The following ADGRV1 variants were observed in gnomAD, a reference collection of about 807,000 sequenced individuals.
ADGRV1 encodes the protein adhesion G protein-coupled receptor V1, also known as G-protein coupled receptor 98.
ADGRV1 carries 359 observed loss-of-function variants against 596.2 expected under a neutral mutation model. The ratio of observed to expected loss-of-function variants is 0.60; its 90% CI spans 0.55 to 0.66. ADGRV1 has a LOEUF of 0.66. Ranked by LOEUF, ADGRV1 falls within the 30% of genes least tolerant of loss-of-function variation. The probability of loss-of-function intolerance (pLI) is 0.00; values close to 1 mark genes in which losing one functional copy is unlikely to be tolerated. For missense variants in ADGRV1, 7,274 were observed against 7,575.6 expected, an observed-to-expected ratio of 0.96 and a Z score of 1.48; for synonymous variants, 2,681 against 2,679.2, an observed-to-expected ratio of 1.00 and a Z score of -0.02.
chr5:91,144,454 G>A (rs1337003020), intron 87 of ADGRV1, among the ~76,000 whole-genome samples: 1 of 152,094 alleles, frequency 6.6e-6, no homozygotes, highest in African/African-American at 2.4e-5. Context: ...GCAGGTGTGT[G>A]CTACCATGCC....
chr5:91,116,262 G>T (rs1267459416), intron 87 of ADGRV1, among the ~76,000 whole-genome samples: 1 of 152,056 alleles, frequency 6.6e-6, no homozygotes, highest in East Asian at 1.9e-4. Context: ...TTGAGAAATG[G>T]CATGAAATAG....
chr5:91,069,928 C>CAAAAAAA lies in ADGRV1; in HGVS notation c.18153-2510_18153-2504dup, dbSNP rs70973728. Reference sequence around the variant, plus strand: ...TAAACCATAGAATACAATGTAGCCACAAAAAAAAAAAAAAATGAAATCATG... The same window carrying CAAAAAAA: ...TAAACCATAGAATACAATGTAGCCACAAAAAAAAAAAAAAAAAAAAAATGAAATCATG... On this transcript the variant is annotated intron_variant, in intron 85 of 89. Coordinates refer to ENST00000405460, the MANE Select transcript of ADGRV1 (RefSeq NM_032119.4). 3.5e-3 allele frequency among the ~76,000 whole-genome samples: 476 copies of CAAAAAAA among 136,838 alleles called. 4 individuals carry two copies. The highest frequency in any genetic ancestry group is 5.6e-3 in the Non-Finnish European group (356 of 63,958). The allele number at this position is 136,838 out of a possible 152,430, so 89.8% of individuals were successfully genotyped here. A position where few individuals can be genotyped will look rare whatever the true frequency, so the allele number is the denominator to read the frequency against.
chr5:90,847,802 C>T (rs928967392), intron 78 of ADGRV1, among the ~76,000 whole-genome samples: 4 of 152,354 alleles, frequency 2.6e-5, no homozygotes, highest in South Asian at 4.1e-4. Flanking sequence ...ACCCGGAACT[C>T]GCGCTGGCCC....
chr5:91,105,557 G>C (rs1791788057), intron 87 of ADGRV1, among the ~76,000 whole-genome samples: 1 of 152,106 alleles, frequency 6.6e-6, no homozygotes, highest in Non-Finnish European at 1.5e-5. Flanking sequence ...AATTCACTGT[G>C]GTTTTGTTTT....
chr5:90,759,718 C>T, intron 58 of ADGRV1, 130 bp downstream of exon 58: 1 of 778,996 alleles, frequency 1.3e-6, no homozygotes, highest in Non-Finnish European at 2.2e-6. Context: ...GTAATCCCAG[C>T]ACTTTGGGAG....
intron 1 of ADGRV1, 96 bp downstream of exon 1, chr5:90,559,013 C>A (rs1428670876): frequency 3.4e-6 from 4 of 1,163,674 alleles, no homozygotes; most frequent in Non-Finnish European, 4.7e-6. Context: ...GCGGCGAGGG[C>A]GGCGCGGAGG....
intron 52 of ADGRV1, among the ~76,000 whole-genome samples, chr5:90,749,622 A>G (rs1453607404): frequency 2.0e-5 from 3 of 152,234 alleles, no homozygotes; most frequent in Non-Finnish European, 2.9e-5. Flanking sequence ...TCAGGTTATC[A>G]TAGTGACCTG....
chr5:91,090,592 T>G (rs1275282937), intron 86 of ADGRV1, among the ~76,000 whole-genome samples: 1 of 151,634 alleles, frequency 6.6e-6, no homozygotes, highest in Admixed American at 6.6e-5. Flanking sequence ...GAAAATATAC[T>G]CTAGGCCAAT....
intron 70 of ADGRV1, among the ~76,000 whole-genome samples, chr5:90,801,504 A>G (rs1761370862): frequency 1.3e-5 from 2 of 152,012 alleles, no homozygotes; most frequent in South Asian, 2.1e-4. Context: ...TGCGATATAC[A>G]TGATTAAAAT....
intron 23 of ADGRV1, chr5:90,674,473 A>C: frequency 3.0e-6 from 1 of 328,542 alleles, no homozygotes; most frequent in Non-Finnish European, 5.4e-6. Context: ...GGATTATTTA[A>C]AATGGAACAA....
At chr5:90,939,878 C>G (rs1292287184) in intron 83 of ADGRV1, among the ~76,000 whole-genome samples, 1 of 152,098 alleles carries the variant, frequency 6.6e-6, no homozygotes, top group East Asian at 1.9e-4. Flanking sequence ...AATCTGATTT[C>G]CTGGAGAGAT....
rs947683767 is a variant in ADGRV1, at chr5:90,810,651, G to T, written c.15391G>T (p.Ala5131Ser). ...VITILDNDDL[A>S]GMDISFPETT... is the part of the protein sequence containing the mutation. The stretch of plus-strand genomic sequence containing the variant: ...TACAATATTGGATAATGATGACCTG[G>T]CAGGAATGGATATTTCCTTCCCCGA... The change falls in exon 74 of 90, where the codon GCA becomes TCA. Residue 5131 changes from alanine (A) to serine (S), a missense_variant. This residue lies in a region of ADGRV1 where 1,874 missense variants were observed against 1,970.2 expected (regional missense o/e 0.95). Coordinates refer to ENST00000405460, the MANE Select transcript of ADGRV1 (RefSeq NM_032119.4). The T allele has an allele frequency of 3.7e-6, 6 of 1,613,736 alleles. No homozygotes were observed. The African/African-American group carries it at 6.7e-5, about 18-fold the overall frequency.
chr5:90,705,866 A>T (rs1748519322), intron 37 of ADGRV1, among the ~76,000 whole-genome samples: 1 of 152,198 alleles, frequency 6.6e-6, no homozygotes. Flanking sequence ...GGGTGGCTCT[A>T]TTCCATATGT....
At position 90,823,440 on chromosome 5, in the gene ADGRV1, C is replaced by G. The variant is rs759436638; in HGVS notation, c.16212C>G (p.Val5404=). ...TRQPNRAFED[V]KVFWRVTLNK... ...TTGCTCACAGGGCCTTTGAAGATGT[C>G]AAGGTCTTTTGGCGAGTCACACTTA... Residue 5404 remains valine (V), a synonymous_variant, in exon 76 of 90, where the codon GTC becomes GTG. Coordinates refer to ENST00000405460, the MANE Select transcript of ADGRV1 (RefSeq NM_032119.4). 7 of 1,613,614 alleles carry G rather than the reference C, an allele frequency of 4.3e-6. No homozygotes were observed. The highest frequency in any genetic ancestry group is 5.9e-6 in the Non-Finnish European group (7 of 1,179,828).
At chr5:91,028,494 G>C (rs572455621) in intron 85 of ADGRV1, among the ~76,000 whole-genome samples, 1 of 151,460 alleles carries the variant, frequency 6.6e-6, no homozygotes, top group African/African-American at 2.4e-5. Context: ...TTTTTTGTCC[G>C]GCCCAATCCA....
intron 1 of ADGRV1, among the ~76,000 whole-genome samples, chr5:90,610,229 G>A (rs1452097649): frequency 6.6e-6 from 1 of 151,946 alleles, no homozygotes; most frequent in East Asian, 1.9e-4. Flanking sequence ...CGTTGTTGAT[G>A]AATTTTATAA....
chr5:90,652,373 T>C lies in ADGRV1; in HGVS notation c.3444T>C (p.Gly1148=). The change falls in exon 19 of 90, where the codon GGT becomes GGC. Residue 1148 remains glycine, a synonymous_variant. Coordinates refer to ENST00000405460, the MANE Select transcript of ADGRV1 (RefSeq NM_032119.4). The stretch of plus-strand genomic sequence containing the variant: ...TTTTGAGGCACCGAGGATACTTTGG[T>C]AGTGTTTCTGTATCTTGGCAGCTCT... ...FWILRHRGYF[G]SVSVSWQLFQ... is the part of the protein sequence containing the mutation. The C allele has an allele frequency of 6.2e-7, 1 of 1,604,866 alleles. No homozygotes were observed. Among genetic ancestry groups the C allele is most frequent in the East Asian group, 2.2e-5 (1 of 44,782 alleles).
At chr5:90,981,671 G>A (rs1338725427) in intron 84 of ADGRV1, among the ~76,000 whole-genome samples, 1 of 152,084 alleles carries the variant, frequency 6.6e-6, no homozygotes, top group Non-Finnish European at 1.5e-5. Context: ...AATGGGCTCT[G>A]GTCATCCTTG....
rs140489720 is a variant in ADGRV1, at chr5:90,985,536, G to A, written c.18152+14G>A. 4 of 1,605,792 alleles carry A rather than the reference G, an allele frequency of 2.5e-6. No individual in the cohort carries two copies. In the African/African-American group the frequency reaches 5.3e-5, roughly 21 times the overall value. ...TCATGGTGACCTGTAAGTACACCCA[G>A]GCAACACATTGCCCTAGCTTTCATG... is the stretch of plus-strand genomic sequence containing the variant. On this transcript the variant is annotated intron_variant, in intron 85 of 89. Transcript: ENST00000405460.
Sources: allele counts gnomAD v4.1 joint callset (sites outside exome capture counted in the v4.1 genomes callset), GRCh38; gene constraint gnomAD v4.1.1; regional missense constraint gnomAD v4.1.1; transcripts MANE v1.5; gene names NCBI Gene and HGNC (gene_info 2026-07-23, HGNC 2026-07-21).